Variants in ERAP1 observed in about 807,000 individuals in gnomAD.
ERAP1 encodes the protein adipocyte-derived leucine aminopeptidase.
In ERAP1, 86 loss-of-function variants were observed where a neutral mutation model predicts 103.7. That is an observed-to-expected ratio of 0.83 (90% CI 0.70 to 0.99). ERAP1 has a LOEUF of 0.99. Among genes scored for constraint, ERAP1 ranks in the 50% least tolerant of loss-of-function variants. The pLI, the probability that ERAP1 is intolerant of heterozygous loss-of-function variation, is 0.00. For missense variants in ERAP1, 1,009 were observed against 1,128.4 expected (o/e 0.89, Z 1.52); for synonymous variants, 398 against 402.4 (o/e 0.99, Z 0.13).
chr5:96,926,069 C>A, the ERAP1 span, among the ~76,000 whole-genome samples: 1 of 152,110 alleles, frequency 6.6e-6, no homozygotes. Context: ...TGCCACCACG[C>A]CCGACTAATT....
chr5:96,820,769 C>G, the ERAP1 span, among the ~76,000 whole-genome samples: 1 of 152,102 alleles, frequency 6.6e-6, no homozygotes, highest in Admixed American at 6.5e-5. Flanking sequence ...CCTCTTCTTT[C>G]TTGCATTTTC....
chr5:96,934,237 T>C, the ERAP1 span: 1 of 152,114 alleles, frequency 6.6e-6, no homozygotes, highest in Non-Finnish European at 1.5e-5. Context: ...TTTCAGACAG[T>C]GATGAGTGCT....
chr5:96,828,179 C>T, the ERAP1 span, among the ~76,000 whole-genome samples: 5 of 152,172 alleles, frequency 3.3e-5, no homozygotes, highest in Non-Finnish European at 7.4e-5. Context: ...TGGTGTCTAG[C>T]TCCTAGTGCC....
downstream of ERAP1, chr5:96,770,585 G>A (rs1332560076): frequency 1.2e-6 from 2 of 1,612,146 alleles, no homozygotes; most frequent in Admixed American, 3.3e-5. Flanking sequence ...TGGAGGTAAA[G>A]CGAAGGATTC....
chr5:96,807,071 C>T (rs1413002357), intron 1 of ERAP1, among the ~76,000 whole-genome samples: 1 of 152,116 alleles, frequency 6.6e-6, no homozygotes, highest in Non-Finnish European at 1.5e-5. Context: ...TCTTTCTGAA[C>T]CTAGCCTACA....
At chr5:96,909,183 G>T in the ERAP1 span, 13 of 1,530,738 alleles carry the variant, frequency 8.5e-6, no homozygotes, top group Non-Finnish European at 1.2e-5. Context: ...GTCAGGCTCA[G>T]TTTGTTTTGT....
At chr5:96,928,395 G>A in the ERAP1 span, among the ~76,000 whole-genome samples, 1 of 152,170 alleles carries the variant, frequency 6.6e-6, no homozygotes, top group Admixed American at 6.5e-5. Flanking sequence ...GGTCATACTG[G>A]AGTAGGGTGG....
the ERAP1 span, among the ~76,000 whole-genome samples, chr5:96,870,039 G>T: frequency 1.3e-5 from 2 of 152,190 alleles, no homozygotes; most frequent in African/African-American, 2.4e-5. Context: ...AACCCAAAGA[G>T]GTGAACGAGG....
the ERAP1 span, among the ~76,000 whole-genome samples, chr5:96,923,187 C>T: frequency 6.6e-6 from 1 of 152,060 alleles, no homozygotes; most frequent in African/African-American, 2.4e-5. Context: ...ACTATGTTTT[C>T]CACACTGGTC....
the ERAP1 span, among the ~76,000 whole-genome samples, chr5:96,883,113 A>G: frequency 6.6e-6 from 1 of 152,174 alleles, no homozygotes; most frequent in Non-Finnish European, 1.5e-5. Flanking sequence ...CAGACAGACC[A>G]TTAGCCAACA....
the ERAP1 span, chr5:96,879,774 C>A: frequency 3.3e-5 from 54 of 1,614,048 alleles, no homozygotes; most frequent in Admixed American, 3.2e-4. Context: ...GCCATCTTGC[C>A]CCAAATATGC....
downstream of ERAP1, chr5:96,774,440 T>G: frequency 1.1e-6 from 1 of 906,468 alleles, no homozygotes; most frequent in South Asian, 5.1e-5. Flanking sequence ...AGCAGCCCTT[T>G]TTACAGTCTA....
chr5:96,879,897 G>A, the ERAP1 span: 2 of 1,614,028 alleles, frequency 1.2e-6, no homozygotes, highest in African/African-American at 1.3e-5. Context: ...AGGCTCCCCA[G>A]TGTGGTCATT....
chr5:96,854,310 A>G, the ERAP1 span, among the ~76,000 whole-genome samples: 1 of 152,210 alleles, frequency 6.6e-6, no homozygotes, highest in Non-Finnish European at 1.5e-5. Flanking sequence ...TACTATGTTT[A>G]TGATTCAATA....
chr5:96,790,415 T>C (rs774231175), intron 9 of ERAP1, 48 bp from the exon 10 acceptor site: 2 of 1,610,446 alleles, frequency 1.2e-6, no homozygotes, highest in Non-Finnish European at 1.7e-6. Flanking sequence ...TAGAAAACAA[T>C]GATTCTCCTC....
chr5:96,913,064 TAC>T, the ERAP1 span, among the ~76,000 whole-genome samples: 1 of 152,204 alleles, frequency 6.6e-6, no homozygotes, highest in Non-Finnish European at 1.5e-5. Context: ...GTTGTAAAAA[TAC>T]ATTCTTGCAT....
the ERAP1 span, among the ~76,000 whole-genome samples, chr5:96,841,769 G>GT: frequency 2.1e-5 from 1 of 46,668 alleles, no homozygotes. Context: ...TTTTTTTTGA[G>GT]CATTACTCAT....
chr5:96,840,201 T>A, the ERAP1 span, among the ~76,000 whole-genome samples: 8 of 152,226 alleles, frequency 5.3e-5, no homozygotes, highest in Non-Finnish European at 8.8e-5. Context: ...ATCTGTACTG[T>A]CTGTCTCAAA....
At chr5:96,819,035 C>T in the ERAP1 span, among the ~76,000 whole-genome samples, 1 of 152,048 alleles carries the variant, frequency 6.6e-6, no homozygotes, top group Non-Finnish European at 1.5e-5. Flanking sequence ...AAGCGATTCT[C>T]CTGCCTCAGC....
Sources: allele counts gnomAD v4.1 joint callset (sites outside exome capture counted in the v4.1 genomes callset), GRCh38; gene constraint gnomAD v4.1.1; transcripts MANE v1.5; gene names NCBI Gene and HGNC (gene_info 2026-07-23, HGNC 2026-07-21).